Variants in KCNH7 observed in about 807,000 individuals in gnomAD.
KCNH7 encodes the protein voltage-gated inwardly rectifying potassium channel KCNH7.
KCNH7 carries 49 observed loss-of-function variants against 120.8 expected under a neutral mutation model. The observed-to-expected ratio is 0.41, with a 90% CI of 0.32 to 0.51. KCNH7 has a LOEUF of 0.51. KCNH7 is among the 20% of genes least tolerant of loss of function. The pLI, the probability that KCNH7 is intolerant of heterozygous loss-of-function variation, is 0.38. For missense variants in KCNH7, 1,097 were observed against 1,446.6 expected, an observed-to-expected ratio of 0.76 and a Z score of 3.92; for synonymous variants, 547 against 516.1, an observed-to-expected ratio of 1.06 and a Z score of -0.81.
intron 10 of KCNH7, among the ~76,000 whole-genome samples, chr2:162,399,217 C>T (rs977479720): frequency 2.6e-5 from 4 of 151,744 alleles, no homozygotes; most frequent in Admixed American, 6.6e-5. Context: ...TTAAACCTAC[C>T]GGCTATGTGG....
intron 6 of KCNH7, among the ~76,000 whole-genome samples, chr2:162,497,422 A>G (rs1690530714): frequency 6.6e-6 from 1 of 152,070 alleles, no homozygotes. Flanking sequence ...TAAACAAGAG[A>G]CCGTGCTGGA....
chr2:162,620,292 G>A (rs1409302813), intron 2 of KCNH7, among the ~76,000 whole-genome samples: 2 of 151,472 alleles, frequency 1.3e-5, no homozygotes, highest in African/African-American at 4.8e-5. Flanking sequence ...AAATTCTATA[G>A]TTAAGGTGTT....
chr2:162,446,620 G>A (rs2105557657), intron 6 of KCNH7, among the ~76,000 whole-genome samples, 177 bp from the exon 7 acceptor site: 1 of 152,200 alleles, frequency 6.6e-6, no homozygotes, highest in African/African-American at 2.4e-5. Flanking sequence ...AACTTATACA[G>A]TGTATTTGGC....
intron 2 of KCNH7, among the ~76,000 whole-genome samples, chr2:162,575,016 G>A (rs1051050478): frequency 2.0e-5 from 3 of 152,022 alleles, no homozygotes; most frequent in African/African-American, 7.2e-5. Context: ...GGCATGTGAG[G>A]CTTTTACTCC....
intron 2 of KCNH7, among the ~76,000 whole-genome samples, chr2:162,695,102 A>G (rs1686244151): frequency 6.6e-6 from 1 of 152,096 alleles, no homozygotes; most frequent in South Asian, 2.1e-4. Flanking sequence ...TATTTTCTCA[A>G]TTAGTGGAGA....
At chr2:162,677,712 G>A (rs1685574076) in intron 2 of KCNH7, among the ~76,000 whole-genome samples, 2 of 151,594 alleles carry the variant, frequency 1.3e-5, no homozygotes, top group South Asian at 4.2e-4. Flanking sequence ...GTACAAATGT[G>A]TTTAGCTTAG....
chr2:162,490,961 T>C (rs1460632329), intron 6 of KCNH7, among the ~76,000 whole-genome samples: 1 of 152,230 alleles, frequency 6.6e-6, no homozygotes, highest in Admixed American at 6.5e-5. Flanking sequence ...ATGCACTCCC[T>C]GCTCCAACCT....
intron 2 of KCNH7, among the ~76,000 whole-genome samples, chr2:162,790,786 T>G (rs893940868): frequency 2.6e-5 from 4 of 152,008 alleles, no homozygotes; most frequent in African/African-American, 9.7e-5. Context: ...TCACAACTCT[T>G]TCATAATAAA....
At chr2:162,661,897 A>AT (rs995139395) in intron 2 of KCNH7, among the ~76,000 whole-genome samples, 2 of 152,002 alleles carry the variant, frequency 1.3e-5, no homozygotes, top group Non-Finnish European at 2.9e-5. Flanking sequence ...ATTATTTTTT[A>AT]TTTTTTGTTT....
chr2:162,617,255 A>G (rs1320424062), intron 2 of KCNH7, among the ~76,000 whole-genome samples: 1 of 152,010 alleles, frequency 6.6e-6, no homozygotes, highest in South Asian at 2.1e-4. Context: ...CGAGGTGGGC[A>G]GATCACGAGG....
chr2:162,475,597 T>C (rs1428017847), intron 6 of KCNH7, among the ~76,000 whole-genome samples: 1 of 152,230 alleles, frequency 6.6e-6, no homozygotes, highest in East Asian at 1.9e-4. Context: ...TTAATAAAGA[T>C]GAGGTTATTA....
chr2:162,773,653 A>G (rs188876568), intron 2 of KCNH7, among the ~76,000 whole-genome samples: 2 of 151,672 alleles, frequency 1.3e-5, no homozygotes, highest in African/African-American at 4.8e-5. Flanking sequence ...AGCAAAAACA[A>G]AAGAAAAAAA....
chr2:162,619,516 A>G, intron 2 of KCNH7, among the ~76,000 whole-genome samples: 1 of 151,978 alleles, frequency 6.6e-6, no homozygotes, highest in Non-Finnish European at 1.5e-5. Flanking sequence ...CCTCTAGAAA[A>G]TCTTCCAAAA....
At chr2:162,629,826 G>T (rs1045351227) in intron 2 of KCNH7, among the ~76,000 whole-genome samples, 2 of 152,044 alleles carry the variant, frequency 1.3e-5, no homozygotes, top group African/African-American at 2.4e-5. Flanking sequence ...TCACAACACT[G>T]TTTGAAGTGA....
intron 2 of KCNH7, among the ~76,000 whole-genome samples, chr2:162,824,516 A>G (rs1432440833): frequency 6.6e-6 from 1 of 152,116 alleles, no homozygotes; most frequent in Non-Finnish European, 1.5e-5. Context: ...AAGACCTGAC[A>G]ATTGAGTCAC....
chr2:162,495,423 T>C (rs1690462605), intron 6 of KCNH7, among the ~76,000 whole-genome samples: 1 of 152,176 alleles, frequency 6.6e-6, no homozygotes, highest in Non-Finnish European at 1.5e-5. Flanking sequence ...TACAAATCCA[T>C]GGCTGGGCTA....
intron 4 of KCNH7, among the ~76,000 whole-genome samples, chr2:162,516,136 C>T (rs1192264187): frequency 6.6e-6 from 1 of 151,740 alleles, no homozygotes; most frequent in Admixed American, 6.6e-5. Context: ...GACAATTGTG[C>T]TAGAAACTAA....
chr2:162,564,346 C>T (rs1188169545), intron 2 of KCNH7, among the ~76,000 whole-genome samples: 3 of 152,102 alleles, frequency 2.0e-5, no homozygotes, highest in African/African-American at 7.2e-5. Flanking sequence ...TTTCACAGGT[C>T]GCTGAGTCCC....
intron 6 of KCNH7, among the ~76,000 whole-genome samples, chr2:162,481,724 C>T (rs1177623110): frequency 6.6e-6 from 1 of 152,150 alleles, no homozygotes; most frequent in African/African-American, 2.4e-5. Context: ...TACTCCCTCT[C>T]ATCAAGGAAG....
Sources: allele counts gnomAD v4.1 joint callset (sites outside exome capture counted in the v4.1 genomes callset), GRCh38; gene constraint gnomAD v4.1.1; transcripts MANE v1.5; gene names NCBI Gene and HGNC (gene_info 2026-07-23, HGNC 2026-07-21).